The following PPP4R1 variants were observed in gnomAD, a reference collection of about 807,000 sequenced individuals.
The protein encoded by PPP4R1 is serine/threonine-protein phosphatase 4 regulatory subunit 1.
Under a neutral mutation model 111.2 loss-of-function variants are expected in PPP4R1, and 42 were observed. The observed-to-expected ratio is 0.38, with a 90% confidence interval of 0.29 to 0.49. The LOEUF (loss-of-function observed/expected upper bound fraction) is 0.49. PPP4R1 is among the 20% of genes least tolerant of loss of function. The pLI, the probability that PPP4R1 is intolerant of heterozygous loss-of-function variation, is 0.97. For missense variants in PPP4R1, 1,012 were observed against 1,161.6 expected, an observed-to-expected ratio of 0.87 and a Z score of 1.87; for synonymous variants, 409 against 405.5, an observed-to-expected ratio of 1.01 and a Z score of -0.10.
chr18:9,566,604 T>C (rs1343289415), intron 11 of PPP4R1, among the ~76,000 whole-genome samples: 7 of 150,536 alleles, frequency 4.7e-5, no homozygotes, highest in Admixed American at 3.3e-4. Context: ...CGAGTTGAGA[T>C]TGCACCACTG....
At chr18:9,549,997 A>C (rs533154603) in intron 18 of PPP4R1, 55 bp downstream of exon 18, 26 of 1,610,702 alleles carry the variant, frequency 1.6e-5, no homozygotes, top group Non-Finnish European at 2.1e-5. Flanking sequence ...AAGTTAAAGA[A>C]GACATTCTTC....
intron 2 of PPP4R1, among the ~76,000 whole-genome samples, chr18:9,601,322 G>A (rs906403284): frequency 1.3e-5 from 2 of 151,494 alleles, no homozygotes; most frequent in Admixed American, 6.6e-5. Flanking sequence ...TTAGGAGTTC[G>A]AGACCAGCCT....
intron 15 of PPP4R1, among the ~76,000 whole-genome samples, chr18:9,556,182 G>A (rs970377015): frequency 6.0e-5 from 9 of 149,858 alleles, no homozygotes; most frequent in African/African-American, 2.2e-4. Context: ...AATATAAAAT[G>A]GTCTCAATGT....
At chr18:9,572,088 G>A (rs953253986) in intron 10 of PPP4R1, among the ~76,000 whole-genome samples, 1 of 152,142 alleles carries the variant, frequency 6.6e-6, no homozygotes, top group Non-Finnish European at 1.5e-5. Context: ...CATGCTGCAG[G>A]TAACAAAAAC....
chr18:9,608,142 G>A (rs1337689698), intron 2 of PPP4R1, among the ~76,000 whole-genome samples: 2 of 152,204 alleles, frequency 1.3e-5, no homozygotes, highest in Admixed American at 6.5e-5. Flanking sequence ...CCAAGAGAAA[G>A]AACATATATA....
chr18:9,574,671 G>A (rs1049331741), intron 10 of PPP4R1, among the ~76,000 whole-genome samples: 9 of 152,180 alleles, frequency 5.9e-5, no homozygotes, highest in African/African-American at 1.4e-4. Flanking sequence ...CTGCATGGCC[G>A]GGAGGCTACT....
intron 11 of PPP4R1, among the ~76,000 whole-genome samples, chr18:9,567,532 T>C (rs1050936063): frequency 4.6e-5 from 7 of 152,136 alleles, no homozygotes; most frequent in Admixed American, 3.9e-4. Context: ...CTGACCAAAC[T>C]TGAACAAATG....
At chr18:9,571,608 G>A (rs1285750717) in intron 10 of PPP4R1, among the ~76,000 whole-genome samples, 2 of 152,172 alleles carry the variant, frequency 1.3e-5, no homozygotes, top group Non-Finnish European at 2.9e-5. Flanking sequence ...GGAGGAGATG[G>A]GAGTGAAGAT....
rs1394393717 is a variant in PPP4R1, at chr18:9,614,282, G to T, written c.8-12C>A. 5.3e-6 allele frequency: 7 copies of T among 1,310,370 alleles called. No individual in the cohort carries two copies. Among genetic ancestry groups the T allele is most frequent in the Non-Finnish European group, 5.9e-6 (6 of 1,017,090 alleles). The allele number at this position is 1,310,370 out of a possible 1,614,324, so 81.2% of individuals were successfully genotyped here. ...AAGCAGCGAGAGGTCTGCGCCGAGG[G>T]GAGAGAAGAAAGGCCCGGTCAGCGC... On this transcript the variant is annotated splice_polypyrimidine_tract_variant and intron_variant, in intron 1 of 19. Coordinates refer to ENST00000400556, the MANE Select transcript of PPP4R1 (RefSeq NM_001042388.3). The surrounding 1 kb of genome is among the most constrained non-coding windows in gnomAD (Gnocchi z 4.1).
Position 9,570,382 on chromosome 18 carries a change from G to A in PPP4R1, c.1348C>T (p.Gln450Ter). 1 of 1,613,556 alleles carries A rather than the reference G, an allele frequency of 6.2e-7. No individual in the cohort carries two copies. The highest frequency in any genetic ancestry group is 8.5e-7 in the Non-Finnish European group (1 of 1,179,716). Residue 450 changes from glutamine (Q) to a stop codon, truncating the protein, a stop_gained, in exon 11 of 20, where the codon CAG (glutamine) becomes TAG (stop). Coordinates refer to ENST00000400556, the MANE Select transcript of PPP4R1 (RefSeq NM_001042388.3). LOFTEE classifies it high-confidence loss of function. ...TTSQDSALLD[Q>*]ELYNSFHFWR... ...AAATGGAAGGAGTTATACAATTCCT[G>A]ATCTAAGAGAGCTGAATCTTGTGAA...
At chr18:9,564,233 T>A (rs1598904068) in intron 11 of PPP4R1, among the ~76,000 whole-genome samples, 1 of 152,204 alleles carries the variant, frequency 6.6e-6, no homozygotes, top group East Asian at 1.9e-4. Context: ...GCATTCTTCC[T>A]GCTCCCCAAA....
At chr18:9,581,877 G>T (rs1008932049) in intron 9 of PPP4R1, among the ~76,000 whole-genome samples, 4 of 152,004 alleles carry the variant, frequency 2.6e-5, no homozygotes, top group Admixed American at 1.3e-4. Context: ...ATGATTAACC[G>T]CTGACTTCAC....
chr18:9,579,239 A>C (rs1355173598), intron 9 of PPP4R1, among the ~76,000 whole-genome samples: 1 of 152,228 alleles, frequency 6.6e-6, no homozygotes, highest in African/African-American at 2.4e-5. Flanking sequence ...CCTCAAAATA[A>C]AGTGATTTTA....
intron 10 of PPP4R1, among the ~76,000 whole-genome samples, chr18:9,574,654 C>T (rs755338505): frequency 1.3e-5 from 2 of 152,142 alleles, no homozygotes; most frequent in Non-Finnish European, 1.5e-5. Flanking sequence ...AGGAGCTGGA[C>T]GCCACACTGC....
At position 9,614,011 on chromosome 18, in the gene PPP4R1, T is replaced by C. The variant is rs932839273; in HGVS notation, c.52+215A>G. On this transcript the variant is annotated intron_variant, in intron 2 of 19. Transcript: ENST00000400556. This position sits in a 1 kb window ranked among gnomAD's most constrained non-coding sequence, Gnocchi z 4.1. ...AAGGGCGGAAAGCGAACTTGGGCGT[T>C]ACTCCGGGCGTCTCCCTCCCCCAGC... 3.2e-6 allele frequency: 1 copy of C among 308,976 alleles called. No homozygotes were observed. Among genetic ancestry groups the C allele is most frequent in the African/African-American group, 2.2e-5 (1 of 45,212 alleles). The allele number at this position is 308,976 out of a possible 1,614,324, so 19.1% of individuals were successfully genotyped here.
chr18:9,602,736 G>A (rs966024035), intron 2 of PPP4R1, among the ~76,000 whole-genome samples: 2 of 150,004 alleles, frequency 1.3e-5, no homozygotes, highest in South Asian at 2.1e-4. Flanking sequence ...CAGGAGAATC[G>A]CTTCAAACCA....
At chr18:9,591,344 C>G (rs1158647647) in intron 4 of PPP4R1, among the ~76,000 whole-genome samples, 1 of 138,922 alleles carries the variant, frequency 7.2e-6, no homozygotes, top group Non-Finnish European at 1.6e-5. Context: ...GAGACTCCAT[C>G]TCCAAAAAAA....
Position 9,614,100 on chromosome 18 carries a change from C to T in PPP4R1, c.52+126G>A. 1 of 850,838 alleles carries T rather than the reference C, an allele frequency of 1.2e-6. No homozygotes were observed. Among genetic ancestry groups the T allele is most frequent in the Non-Finnish European group, 1.5e-6 (1 of 654,348 alleles). The allele number at this position is 850,838 out of a possible 1,614,324, so 52.7% of individuals were successfully genotyped here. A position where few individuals can be genotyped will look rare whatever the true frequency, so the allele number is the denominator to read the frequency against. On this transcript the variant is annotated intron_variant, in intron 2 of 19. Coordinates refer to ENST00000400556, the MANE Select transcript of PPP4R1 (RefSeq NM_001042388.3). This position sits in a 1 kb window ranked among gnomAD's most constrained non-coding sequence, Gnocchi z 4.1. ...TTCCCCCCCGATCGCCACCCCAGCCCGCCTGGGGCCGCCCTCGCCCACCGT... is the reference window on the plus strand; with the variant it reads ...TTCCCCCCCGATCGCCACCCCAGCCTGCCTGGGGCCGCCCTCGCCCACCGT...
chr18:9,548,973 T>C (rs144585864), intron 19 of PPP4R1, among the ~76,000 whole-genome samples: 1 of 152,324 alleles, frequency 6.6e-6, no homozygotes, highest in East Asian at 1.9e-4. Context: ...TGATACATGC[T>C]TCCGATAAAT....
Sources: allele counts gnomAD v4.1 joint callset (sites outside exome capture counted in the v4.1 genomes callset), GRCh38; gene constraint gnomAD v4.1.1; non-coding constraint Gnocchi (gnomAD v3.1); transcripts MANE v1.5; gene names NCBI Gene and HGNC (gene_info 2026-07-23, HGNC 2026-07-21).